Variants in NAALADL2 observed in about 807,000 individuals in gnomAD.
NAALADL2 encodes N-acetylated alpha-linked acidic dipeptidase like 2, also known as inactive N-acetylated-alpha-linked acidic dipeptidase-like protein 2.
A neutral mutation model predicts 87.2 loss-of-function variants in NAALADL2; 76 were observed. That is an observed-to-expected ratio of 0.87 (90% CI 0.72 to 1.05). NAALADL2 has a LOEUF of 1.05. NAALADL2 is among the 50% of genes least tolerant of loss of function. The probability of loss-of-function intolerance (pLI) is 0.00; values close to 1 mark genes in which losing one functional copy is unlikely to be tolerated. For missense variants in NAALADL2, 1,089 were observed against 945.8 expected, an observed-to-expected ratio of 1.15 and a Z score of -1.99; for synonymous variants, 354 against 331.0, an observed-to-expected ratio of 1.07 and a Z score of -0.75.
rs967401994 is a variant in NAALADL2, at chr3:175,361,985, G to A, written c.1090+37660G>A. The stretch of plus-strand genomic sequence containing the variant: ...GGTATTGCCTAGGTTTTCTTCTAGG[G>A]TTTTTATGGTTTTAGGTCTAACGTT... On this transcript the variant is annotated intron_variant, in intron 5 of 13. Coordinates refer to ENST00000454872, the MANE Select transcript of NAALADL2 (RefSeq NM_207015.3). Among the ~76,000 whole-genome samples the A allele has an allele frequency of 4.7e-5, 7 of 147,990 alleles. 1 individual carries two copies. The South Asian group carries it at 1.6e-3, about 33-fold the overall frequency.
At chr3:175,786,384 G>A (rs1751964575) in intron 13 of NAALADL2, among the ~76,000 whole-genome samples, 1 of 152,126 alleles carries the variant, frequency 6.6e-6, no homozygotes, top group Admixed American at 6.6e-5. Context: ...ATACTTCTTG[G>A]AGGCTTTGCT....
intron 9 of NAALADL2, among the ~76,000 whole-genome samples, chr3:175,485,538 C>A (rs1156903760): frequency 1.3e-5 from 2 of 152,152 alleles, no homozygotes; most frequent in Non-Finnish European, 2.9e-5. Context: ...GTCTGAGAGC[C>A]TCTGGAAAAC....
intron 10 of NAALADL2, among the ~76,000 whole-genome samples, chr3:175,606,424 C>T (rs929451937): frequency 2.7e-5 from 4 of 149,386 alleles, no homozygotes; most frequent in African/African-American, 7.4e-5. Flanking sequence ...TTTGCTGCTG[C>T]GGATGTCAGA....
At chr3:175,450,108 C>T (rs1280286686) in intron 6 of NAALADL2, among the ~76,000 whole-genome samples, 1 of 151,962 alleles carries the variant, frequency 6.6e-6, no homozygotes, top group Non-Finnish European at 1.5e-5. Flanking sequence ...CTACATTGAA[C>T]TGAATTTAAT....
Position 175,045,764 on chromosome 3 carries a change from A to T in NAALADL2, c.44-51026A>T, listed in dbSNP as rs1009371985. Among the ~76,000 whole-genome samples the T allele has an allele frequency of 5.3e-5, 8 of 152,194 alleles. No individual in the cohort carries two copies. The South Asian group carries it at 6.2e-4, about 12-fold the overall frequency. On this transcript the variant is annotated intron_variant, in intron 1 of 13. Coordinates refer to ENST00000454872, the MANE Select transcript of NAALADL2 (RefSeq NM_207015.3). ...AAGCTTAGAGAACTAAAATATTTTAAGATGGATATGAAGCATGCCTTCCTT... is the reference window on the plus strand; with the variant it reads ...AAGCTTAGAGAACTAAAATATTTTATGATGGATATGAAGCATGCCTTCCTT...
intron 5 of NAALADL2, among the ~76,000 whole-genome samples, chr3:175,406,575 AAT>A (rs1166870459): frequency 3.9e-5 from 6 of 152,218 alleles, no homozygotes; most frequent in African/African-American, 1.4e-4. Context: ...CATTATTATA[AAT>A]ATGTCTTTAT....
At chr3:175,799,619 G>C (rs1009359626) in intron 13 of NAALADL2, among the ~76,000 whole-genome samples, 2 of 152,018 alleles carry the variant, frequency 1.3e-5, no homozygotes, top group South Asian at 2.1e-4. Flanking sequence ...TCTCCATTTT[G>C]AACAATTCTA....
intron 1 of NAALADL2, among the ~76,000 whole-genome samples, chr3:175,064,425 G>T (rs921380374): frequency 6.6e-6 from 1 of 152,134 alleles, no homozygotes; most frequent in African/African-American, 2.4e-5. Flanking sequence ...GAGTAAAGAT[G>T]TAGGCAATTT....
intron 1 of NAALADL2, among the ~76,000 whole-genome samples, chr3:174,470,777 G>T (rs1273881032): frequency 6.6e-6 from 1 of 152,124 alleles, no homozygotes; most frequent in Non-Finnish European, 1.5e-5. Context: ...CCAGTTGGTT[G>T]TAGGTGTGCA....
At chr3:175,490,236 G>A (rs1401001523) in intron 9 of NAALADL2, among the ~76,000 whole-genome samples, 2 of 151,324 alleles carry the variant, frequency 1.3e-5, no homozygotes, top group African/African-American at 2.5e-5. Flanking sequence ...GAGACAGAGA[G>A]GTATTAAGTC....
At chr3:174,559,975 C>G (rs1191607029) in intron 2 of NAALADL2, among the ~76,000 whole-genome samples, 1 of 152,184 alleles carries the variant, frequency 6.6e-6, no homozygotes, top group Non-Finnish European at 1.5e-5. Context: ...TTTACCTTTC[C>G]AAAATTGAGT....
intron 9 of NAALADL2, among the ~76,000 whole-genome samples, chr3:175,474,627 C>G (rs1452060644): frequency 6.6e-6 from 1 of 152,138 alleles, no homozygotes; most frequent in African/African-American, 2.4e-5. Context: ...CATGTATACA[C>G]AATCACAATC....
At chr3:174,446,444 T>G (rs543797137) in intron 1 of NAALADL2, among the ~76,000 whole-genome samples, 1 of 152,344 alleles carries the variant, frequency 6.6e-6, no homozygotes, top group South Asian at 2.1e-4. Context: ...GGATTTTAGC[T>G]ATTATATTGG....
chr3:175,522,010 A>G (rs1015975835), intron 9 of NAALADL2, among the ~76,000 whole-genome samples: 1 of 152,128 alleles, frequency 6.6e-6, no homozygotes, highest in Non-Finnish European at 1.5e-5. Flanking sequence ...TAAGAAACCA[A>G]GTCATTATTT....
chr3:175,780,310 A>G (rs1750870958), intron 13 of NAALADL2, among the ~76,000 whole-genome samples: 2 of 152,038 alleles, frequency 1.3e-5, no homozygotes, highest in South Asian at 4.2e-4. Context: ...ATTTTTCCTC[A>G]TAGTCTAGTA....
At chr3:175,625,176 T>C (rs1224703997) in intron 10 of NAALADL2, among the ~76,000 whole-genome samples, 7 of 152,002 alleles carry the variant, frequency 4.6e-5, no homozygotes. Context: ...CAGAAAACAA[T>C]GTGCTAATAT....
chr3:174,649,979 T>C (rs867725868), intron 2 of NAALADL2, among the ~76,000 whole-genome samples: 1 of 152,148 alleles, frequency 6.6e-6, no homozygotes, highest in Non-Finnish European at 1.5e-5. Flanking sequence ...AGCACATAGA[T>C]GAAGGAAAAT....
At chr3:174,710,069 G>T (rs1435578951) in intron 2 of NAALADL2, among the ~76,000 whole-genome samples, 2 of 152,120 alleles carry the variant, frequency 1.3e-5, no homozygotes, top group African/African-American at 4.8e-5. Flanking sequence ...GATATTCTGT[G>T]ATTCTTAGTC....
intron 2 of NAALADL2, among the ~76,000 whole-genome samples, chr3:175,213,600 C>T (rs879785762): frequency 6.6e-6 from 1 of 152,104 alleles, no homozygotes; most frequent in Non-Finnish European, 1.5e-5. Context: ...TATGCATTTA[C>T]ATAGTGTAGT....
Sources: gnomAD v4.1 joint callset for allele counts (sites outside exome capture counted in the v4.1 genomes callset) on GRCh38, gnomAD v4.1.1 for gene constraint, MANE v1.5 for transcripts, NCBI Gene and HGNC (gene_info 2026-07-23, HGNC 2026-07-21) for gene names.